Variants in SLC2A3 observed in about 807,000 individuals in gnomAD.
SLC2A3 encodes the protein solute carrier family 2, facilitated glucose transporter member 3.
Under a neutral mutation model 46.4 loss-of-function variants are expected in SLC2A3, and 21 were observed. The ratio of observed to expected loss-of-function variants is 0.45; its 90% confidence interval spans 0.32 to 0.65. The LOEUF (loss-of-function observed/expected upper bound fraction) is 0.65. SLC2A3 is among the 30% of genes least tolerant of loss of function. The pLI is 0.04. For missense variants in SLC2A3, 499 were observed against 623.3 expected (o/e 0.80, Z 2.12); for synonymous variants, 213 against 239.4 (o/e 0.89, Z 1.02).
At chr12:7,928,565 ATTCT>A (rs1020662995) in intron 6 of SLC2A3, among the ~76,000 whole-genome samples, 10 of 151,696 alleles carry the variant, frequency 6.6e-5, no homozygotes, top group Non-Finnish European at 1.2e-4. Flanking sequence ...GCATTCTTTC[ATTCT>A]TTCTTTTTTC....
chr12:7,921,413 T>G lies in SLC2A3; in HGVS notation c.1491A>C (p.Ter497TyrextTer26). 3 of 1,614,058 alleles carry G rather than the reference T, an allele frequency of 1.9e-6. No individual in the cohort carries two copies. Among genetic ancestry groups the G allele is most frequent in the Non-Finnish European group, 2.5e-6 (3 of 1,179,938 alleles). ...GGAGGGAGGTGGAAGGAGGCACGAC[T>G]TAGACATTGGTGGTGGTCTCCTTAG... ...EPAKETTTNV[*>Y] Residue 497 changes from the stop codon to tyrosine, a stop_lost, in exon 10 of 10, where the codon TAA becomes TAC. Transcript: ENST00000075120.
Position 7,929,674 on chromosome 12 carries a change from T to A in SLC2A3, c.861+10A>T. On this transcript the variant is annotated intron_variant, in intron 6 of 9. Transcript: ENST00000075120. ...TTAAGACACGTTTGACCCTAAAGTA[T>A]CACACTCACAGCATTGATCCCAGAG... The A allele has an allele frequency of 1.9e-6, 3 of 1,613,168 alleles. No homozygotes were observed. Among genetic ancestry groups the A allele is most frequent in the Non-Finnish European group, 2.5e-6 (3 of 1,179,454 alleles).
intron 2 of SLC2A3, chr12:7,933,354 G>A (rs1946178467): frequency 7.5e-6 from 5 of 669,180 alleles, no homozygotes; most frequent in African/African-American, 5.5e-5. Context: ...TGGCAGCACC[G>A]ATGTTCACAG....
rs1592359272 is a variant in SLC2A3, at chr12:7,933,998, G to C, written c.16-96C>G. The stretch of plus-strand genomic sequence containing the variant: ...ATGGAGCTGTATTAGGAGAATTTGA[G>C]TTATGAGTGGTATGAAAAGAACATC... On this transcript the variant is annotated intron_variant, in intron 1 of 9. Transcript: ENST00000075120. 5 of 1,160,576 alleles carry C rather than the reference G, an allele frequency of 4.3e-6. No individual in the cohort carries two copies. The Admixed American group carries it at 6.5e-5, about 15-fold the overall frequency. The allele number at this position is 1,160,576 out of a possible 1,614,324, so 71.9% of individuals were successfully genotyped here.
rs1056702808 is a variant in SLC2A3, at chr12:7,920,679, GAAC to G, written c.*731_*733del. 6 of 152,362 alleles carry G rather than the reference GAAC, an allele frequency of 3.9e-5. No homozygotes were observed. The highest frequency in any genetic ancestry group is 1.3e-4 in the Admixed American group (2 of 15,306). The allele number at this position is 152,362 out of a possible 1,614,324, so 9.4% of individuals were successfully genotyped here. A position where few individuals can be genotyped will look rare whatever the true frequency, so the allele number is the denominator to read the frequency against. The stretch of plus-strand genomic sequence containing the variant: ...ACCACATCATTTACCCTCCAATAAT[GAAC>G]AACATTTCTCCCTAAATTCTTATTG... On this transcript the variant is annotated 3_prime_UTR_variant, in exon 10 of 10. Coordinates refer to ENST00000075120, the MANE Select transcript of SLC2A3 (RefSeq NM_006931.3).
chr12:7,931,198 T>C, intron 4 of SLC2A3, 47 bp downstream of exon 4: 1 of 1,604,382 alleles, frequency 6.2e-7, no homozygotes, highest in Non-Finnish European at 8.5e-7. Flanking sequence ...ACTTTTTTAA[T>C]GACCCATGAA....
At chr12:7,935,606 A>G (rs1405910635) in intron 1 of SLC2A3, among the ~76,000 whole-genome samples, 1 of 152,204 alleles carries the variant, frequency 6.6e-6, no homozygotes, top group African/African-American at 2.4e-5. Flanking sequence ...TAGGACAAAC[A>G]GATGGCCAGA....
chr12:7,931,106 T>C (rs1946151008), intron 4 of SLC2A3, 139 bp downstream of exon 4: 2 of 1,438,116 alleles, frequency 1.4e-6, no homozygotes, highest in Admixed American at 4.8e-5. Context: ...TCAGCCTGCT[T>C]CTTCAGCTAC....
chr12:7,933,448 G>T, intron 2 of SLC2A3: 1 of 486,340 alleles, frequency 2.1e-6, no homozygotes, highest in Non-Finnish European at 3.7e-6. Context: ...TCACTATGAG[G>T]TGAAAGAGTG....
Position 7,931,280 on chromosome 12 carries a change from G to A in SLC2A3, c.475C>T (p.Gln159Ter). 1 of 1,614,188 alleles carries A rather than the reference G, an allele frequency of 6.2e-7. No individual in the cohort carries two copies. The highest frequency in any genetic ancestry group is 8.5e-7 in the Non-Finnish European group (1 of 1,180,028). ...ALRGAFGTLN[Q>*]LGIVVGILVA... ...AGAATTCCAACAACGATGCCCAGCTGGTTGAGAGTGCCAAAGGCACCCCGC... is the reference window on the plus strand; with the variant it reads ...AGAATTCCAACAACGATGCCCAGCTAGTTGAGAGTGCCAAAGGCACCCCGC... The change falls in exon 4 of 10, where the codon CAG becomes TAG. Residue 159 changes from glutamine to a stop codon, truncating the protein, a stop_gained. Transcript: ENST00000075120. LOFTEE classifies it high-confidence loss of function.
intron 3 of SLC2A3, 33 bp from the exon 4 acceptor site, chr12:7,931,518 G>A: frequency 6.2e-7 from 1 of 1,612,650 alleles, no homozygotes. Flanking sequence ...AGTAGAATTA[G>A]CAAAGTGAGA....
chr12:7,935,467 C>G (rs1177305214), intron 1 of SLC2A3, among the ~76,000 whole-genome samples: 1 of 152,116 alleles, frequency 6.6e-6, no homozygotes, highest in Non-Finnish European at 1.5e-5. Context: ...AAAAGAAAAG[C>G]CTTTCTCCCT....
intron 1 of SLC2A3, among the ~76,000 whole-genome samples, chr12:7,934,881 C>A (rs2121204048): frequency 6.6e-6 from 1 of 152,314 alleles, no homozygotes; most frequent in East Asian, 1.9e-4. Context: ...TCTGTTAAAT[C>A]TTTTTCCGTT....
chr12:7,919,760 G>A lies in SLC2A3; in HGVS notation c.*1653C>T, dbSNP rs1224256648. 1 of 152,196 alleles carries A rather than the reference G, an allele frequency of 6.6e-6. No individual in the cohort carries two copies. The highest frequency in any genetic ancestry group is 1.5e-5 in the Non-Finnish European group (1 of 68,096). 9.4% of individuals were successfully genotyped at this position (152,196 alleles called of 1,614,324 possible). Reference sequence around the variant, plus strand: ...AGGCTCCAGGAGCAGAGGGAACAGTGAGAACTAAGAACCAAAATACTGTCA... The same window carrying A: ...AGGCTCCAGGAGCAGAGGGAACAGTAAGAACTAAGAACCAAAATACTGTCA... On this transcript the variant is annotated 3_prime_UTR_variant, in exon 10 of 10. Transcript: ENST00000075120.
At chr12:7,929,589 T>A in intron 6 of SLC2A3, 95 bp downstream of exon 6, 3 of 1,512,302 alleles carry the variant, frequency 2.0e-6, no homozygotes, top group Non-Finnish European at 2.7e-6. Context: ...CTCAGCCTCC[T>A]GAGTAGCTGG....
chr12:7,934,023 C>A, intron 1 of SLC2A3, 121 bp from the exon 2 acceptor site: 3 of 884,484 alleles, frequency 3.4e-6, no homozygotes, highest in Non-Finnish European at 5.2e-6. Flanking sequence ...AAAAGAACAT[C>A]CAATGAGATT....
At chr12:7,931,548 G>A (rs994163283) in intron 3 of SLC2A3, 63 bp from the exon 4 acceptor site, 1 of 1,599,718 alleles carries the variant, frequency 6.3e-7, no homozygotes, top group African/African-American at 1.3e-5. Flanking sequence ...CTTCTCCTCT[G>A]TCCTCATTAT....
At chr12:7,923,142 G>T in intron 8 of SLC2A3, 118 bp from the exon 9 acceptor site, 1 of 959,540 alleles carries the variant, frequency 1.0e-6, no homozygotes, top group Non-Finnish European at 1.5e-6. Context: ...ACAAAGAGTG[G>T]CTGTGGAGTC....
chr12:7,930,822 A>ACAT (rs1946145090), intron 4 of SLC2A3, among the ~76,000 whole-genome samples, 180 bp from the exon 5 acceptor site: 1 of 100,194 alleles, frequency 1.0e-5, no homozygotes, highest in Non-Finnish European at 1.8e-5. Context: ...TTTGAGACGG[A>ACAT]GTCTTGCTCT....
Sources: allele counts gnomAD v4.1 joint callset (sites outside exome capture counted in the v4.1 genomes callset), GRCh38; gene constraint gnomAD v4.1.1; transcripts MANE v1.5; gene names NCBI Gene and HGNC (gene_info 2026-07-23, HGNC 2026-07-21).